Variants in NPLOC4 observed in about 807,000 individuals in gnomAD.
NPLOC4 encodes nuclear protein localization protein 4 homolog.
Under a neutral mutation model 80.6 loss-of-function variants are expected in NPLOC4, and 18 were observed. The ratio of observed to expected loss-of-function variants is 0.22; its 90% CI spans 0.15 to 0.33. The LOEUF (loss-of-function observed/expected upper bound fraction) is 0.33, where lower values mean the gene tolerates loss of function less well. NPLOC4 is among the 10% of genes least tolerant of loss of function. NPLOC4 has a pLI of 1.00. For synonymous variants in NPLOC4, 313 were observed against 301.5 expected, an observed-to-expected ratio of 1.04 and a Z score of -0.39; for missense variants, 540 against 786.1, an observed-to-expected ratio of 0.69 and a Z score of 3.74.
chr17:81,587,457 A>AG (rs2034611954), intron 12 of NPLOC4, among the ~76,000 whole-genome samples: 1 of 151,574 alleles, frequency 6.6e-6, no homozygotes, highest in African/African-American at 2.4e-5. Flanking sequence ...CTGGAACTAC[A>AG]GGCGCCTGCC....
chr17:81,565,389 C>T (rs539432655), intron 16 of NPLOC4, 116 bp downstream of exon 16: 1 of 918,572 alleles, frequency 1.1e-6, no homozygotes, highest in Non-Finnish European at 1.7e-6. Flanking sequence ...ATGGCACCTG[C>T]CAGGATGCAG....
intron 2 of NPLOC4, among the ~76,000 whole-genome samples, chr17:81,629,186 G>T (rs1001421569): frequency 1.1e-4 from 14 of 129,802 alleles, no homozygotes; most frequent in Non-Finnish European, 2.2e-4. Context: ...CCACTCTTAT[G>T]AAATACTTTT....
intron 11 of NPLOC4, among the ~76,000 whole-genome samples, chr17:81,594,777 G>GAA (rs35677141): frequency 7.5e-5 from 11 of 146,536 alleles, no homozygotes; most frequent in South Asian, 2.2e-4. Flanking sequence ...CGTCTCTAGG[G>GAA]AAAAAAAAAA....
At chr17:81,625,462 C>A (rs1368239521) in intron 2 of NPLOC4, among the ~76,000 whole-genome samples, 7 of 152,096 alleles carry the variant, frequency 4.6e-5, no homozygotes, top group Non-Finnish European at 5.9e-5. Flanking sequence ...ATGTGAATCT[C>A]GGTAAAGAAA....
intron 12 of NPLOC4, among the ~76,000 whole-genome samples, chr17:81,585,202 G>A (rs921214975): frequency 3.5e-5 from 5 of 140,846 alleles, no homozygotes; most frequent in African/African-American, 1.4e-4. Context: ...AAAAGAGTAT[G>A]GTATTAGTTC....
intron 1 of NPLOC4, among the ~76,000 whole-genome samples, chr17:81,635,035 A>T (rs1000206678): frequency 5.9e-5 from 9 of 151,884 alleles, no homozygotes; most frequent in African/African-American, 1.5e-4. Context: ...CTATAAAAAA[A>T]TGTTTTTAAT....
At chr17:81,596,008 G>A (rs1364986290) in intron 11 of NPLOC4, 108 bp downstream of exon 11, 11 of 1,122,990 alleles carry the variant, frequency 9.8e-6, no homozygotes, top group Non-Finnish European at 1.3e-6. Context: ...CACAAGCCCA[G>A]TAAGAAAGTC....
chr17:81,620,893 T>C (rs1369010817), intron 3 of NPLOC4, among the ~76,000 whole-genome samples: 3 of 151,580 alleles, frequency 2.0e-5, no homozygotes, highest in Non-Finnish European at 4.4e-5. Context: ...AAGTGAAAAA[T>C]GTGCCTGTAG....
At chr17:81,591,843 C>G (rs1266410888) in intron 11 of NPLOC4, among the ~76,000 whole-genome samples, 2 of 152,238 alleles carry the variant, frequency 1.3e-5, no homozygotes, top group African/African-American at 4.8e-5. Context: ...GCTATTGAAT[C>G]TGAATGCATT....
At position 81,580,671 on chromosome 17, in the gene NPLOC4, G is replaced by A. The variant is rs1029133746; in HGVS notation, c.1281+8273C>T. On this transcript the variant is annotated intron_variant, in intron 12 of 16. Coordinates refer to ENST00000331134, the MANE Select transcript of NPLOC4 (RefSeq NM_017921.4). The surrounding 1 kb of genome is among the most constrained non-coding windows in gnomAD (Gnocchi z 4.4). ...GACTCGACCCACCAGGGCACTCCAAGCTTCTCTACCCGTTCCGCTGGGGTG... is the reference window on the plus strand; with the variant it reads ...GACTCGACCCACCAGGGCACTCCAAACTTCTCTACCCGTTCCGCTGGGGTG... Among the ~76,000 whole-genome samples, 3 of 152,160 alleles carry A rather than the reference G, an allele frequency of 2.0e-5. No individual in the cohort carries two copies. Among genetic ancestry groups the A allele is most frequent in the Non-Finnish European group, 4.4e-5 (3 of 68,022 alleles).
At chr17:81,598,641 T>C (rs1294641056) in intron 9 of NPLOC4, among the ~76,000 whole-genome samples, 3 of 152,174 alleles carry the variant, frequency 2.0e-5, no homozygotes, top group Non-Finnish European at 2.9e-5. Flanking sequence ...ACGTTCAGTG[T>C]AGCAGTGCCT....
chr17:81,576,154 G>A (rs887531565), intron 12 of NPLOC4, among the ~76,000 whole-genome samples: 1 of 152,174 alleles, frequency 6.6e-6, no homozygotes. Flanking sequence ...GGTCAACCAG[G>A]CAAACATCTA....
At chr17:81,634,589 C>CT (rs34386430) in intron 1 of NPLOC4, among the ~76,000 whole-genome samples, 9,919 of 141,804 alleles carry the variant, frequency 0.07, 504 homozygotes, top group East Asian at 0.22. Context: ...ATGATTAACA[C>CT]TTTTTTTTTT....
chr17:81,610,772 G>A (rs2035320346), intron 4 of NPLOC4, among the ~76,000 whole-genome samples: 1 of 91,120 alleles, frequency 1.1e-5, no homozygotes, highest in African/African-American at 3.4e-5. Context: ...CTAACAAGGT[G>A]AAACCCCGTC....
At chr17:81,573,086 C>T (rs545993004) in intron 12 of NPLOC4, among the ~76,000 whole-genome samples, 5 of 152,210 alleles carry the variant, frequency 3.3e-5, no homozygotes, top group Non-Finnish European at 7.4e-5. Context: ...AACAGAGCTC[C>T]AGAAATAAAT....
rs994767454 is a variant in NPLOC4 at position 81,558,231 on chromosome 17, C to T, written c.*1028G>A. On this transcript the variant is annotated 3_prime_UTR_variant, in exon 17 of 17. Transcript: ENST00000331134. ...CCCCAGGGAGGTCCCAAATGGCCCT[C>T]ACAAGAGGCACAGCCCCTAACGCCC... 6.6e-6 allele frequency: 1 copy of T among 152,300 alleles called. No individual in the cohort carries two copies. Among genetic ancestry groups the T allele is most frequent in the Non-Finnish European group, 1.5e-5 (1 of 68,082 alleles). 9.4% of individuals were successfully genotyped at this position (152,300 alleles called of 1,614,324 possible).
intron 11 of NPLOC4, among the ~76,000 whole-genome samples, chr17:81,595,297 G>A (rs2034869045): frequency 6.6e-6 from 1 of 151,708 alleles, no homozygotes. Flanking sequence ...AGCCAGGCGT[G>A]GTGGTGTGCA....
At chr17:81,606,214 G>A (rs529046586) in intron 7 of NPLOC4, among the ~76,000 whole-genome samples, 32 of 152,262 alleles carry the variant, frequency 2.1e-4, no homozygotes, top group African/African-American at 6.7e-4. Context: ...CTAAGGAGCC[G>A]TTTTCTCTAA....
chr17:81,600,231 G>T (rs183349256), intron 9 of NPLOC4, 110 bp downstream of exon 9: 3 of 731,188 alleles, frequency 4.1e-6, no homozygotes, highest in Admixed American at 2.1e-5. Flanking sequence ...TTGTGCAGCC[G>T]GAGAGAGCCA....
Sources: allele counts gnomAD v4.1 joint callset (sites outside exome capture counted in the v4.1 genomes callset), GRCh38; gene constraint gnomAD v4.1.1; non-coding constraint Gnocchi (gnomAD v3.1); transcripts MANE v1.5; gene names NCBI Gene and HGNC (gene_info 2026-07-23, HGNC 2026-07-21).